MAMLD1: variants seen among roughly 807,000 people sequenced by gnomAD.
MAMLD1 encodes mastermind-like domain-containing protein 1.
In MAMLD1, 14 loss-of-function variants were observed where a neutral mutation model predicts 45.0. The ratio of observed to expected loss-of-function variants is 0.31; its 90% CI spans 0.21 to 0.49. MAMLD1 has a LOEUF of 0.49. MAMLD1 is among the 20% of genes least tolerant of loss of function. The pLI is 0.99. For synonymous variants in MAMLD1, 254 were observed against 247.8 expected, an observed-to-expected ratio of 1.02 and a Z score of -0.24; for missense variants, 543 against 603.6, an observed-to-expected ratio of 0.90 and a Z score of 1.05.
chrX:150,430,165 A>G (rs782024575), intron 1 of MAMLD1, among the ~76,000 whole-genome samples: 3 of 105,067 alleles, frequency 2.9e-5, no homozygotes, highest in African/African-American at 1.0e-4. Flanking sequence ...ACAGGTGCAC[A>G]CCACCACACC....
At chrX:150,375,249 T>G (rs781878055) in intron 1 of MAMLD1, among the ~76,000 whole-genome samples, 10 of 111,925 alleles carry the variant, frequency 8.9e-5, no homozygotes, top group Non-Finnish European at 1.9e-5. Context: ...TTGGCCCTTG[T>G]TGATCCTGTG....
At chrX:150,431,549 T>G (rs1237222440) in intron 1 of MAMLD1, among the ~76,000 whole-genome samples, 3 of 110,868 alleles carry the variant, frequency 2.7e-5, no homozygotes, top group African/African-American at 9.9e-5. Flanking sequence ...GGTAGTTTTT[T>G]GATTCTCACC....
intron 1 of MAMLD1, among the ~76,000 whole-genome samples, chrX:150,388,612 T>A (rs1557402102): frequency 2.7e-5 from 3 of 112,024 alleles, no homozygotes; most frequent in African/African-American, 9.7e-5. Context: ...GTTGTCAAAT[T>A]TCTGTGTAGA....
chrX:150,413,916 T>C (rs1445914052), intron 1 of MAMLD1, among the ~76,000 whole-genome samples: 1 of 105,118 alleles, frequency 9.5e-6, no homozygotes, highest in Non-Finnish European at 1.9e-5. Flanking sequence ...TGCCTGGTCA[T>C]CGATGGCCAG....
At chrX:150,455,100 A>G (rs1460740273) in intron 2 of MAMLD1, among the ~76,000 whole-genome samples, 4 of 112,180 alleles carry the variant, frequency 3.6e-5, no homozygotes, top group African/African-American at 1.3e-4. Flanking sequence ...ACATGTTTTT[A>G]AATTGTCATT....
intron 5 of MAMLD1, among the ~76,000 whole-genome samples, chrX:150,486,674 C>A (rs1362449442): frequency 1.8e-5 from 2 of 112,061 alleles, no homozygotes; most frequent in Non-Finnish European, 3.8e-5. Context: ...GGATCCAACT[C>A]CAATCCGGAA....
rs1245931280 is a variant in MAMLD1 at position 150,426,946 on chromosome X, A to T, written c.-63-18508A>T. Among the ~76,000 whole-genome samples the T allele has an allele frequency of 3.1e-4, 35 of 112,195 alleles. 1 individual carries two copies. The highest frequency in any genetic ancestry group is 1.9e-5 in the Non-Finnish European group (1 of 53,270). On this transcript the variant is annotated intron_variant, in intron 1 of 7. Transcript: ENST00000370401. ...CTTAAGCATCAGAATTGATTGTCTC[A>T]CAGTTCTGGAGGCAGAAGTCCAAGA...
intron 5 of MAMLD1, among the ~76,000 whole-genome samples, chrX:150,492,583 A>G (rs1557407991): frequency 2.7e-5 from 3 of 111,606 alleles, no homozygotes; most frequent in Non-Finnish European, 5.7e-5. Flanking sequence ...GAAAATTGAG[A>G]GTGATGAGTT....
intron 5 of MAMLD1, among the ~76,000 whole-genome samples, chrX:150,485,811 C>T (rs190095480): frequency 1.6e-4 from 18 of 111,936 alleles, no homozygotes; most frequent in African/African-American, 5.8e-4. Context: ...ACAGATGGTT[C>T]AGGTGTGTTA....
At chrX:150,505,905 A>G (rs946542710) in intron 6 of MAMLD1, among the ~76,000 whole-genome samples, 11 of 112,565 alleles carry the variant, frequency 9.8e-5, no homozygotes, top group African/African-American at 3.5e-4. Context: ...TGTTGTCACT[A>G]TCTATGGGCC....
intron 1 of MAMLD1, among the ~76,000 whole-genome samples, chrX:150,416,709 T>A (rs1257510260): frequency 1.8e-5 from 2 of 112,472 alleles, no homozygotes; most frequent in Non-Finnish European, 3.8e-5. Flanking sequence ...ATTAAATTGT[T>A]CCCTCCAAAG....
rs1557409371 is a variant in MAMLD1 at position 150,513,814 on chromosome X, GAGAAAAAGCCCAGCTTGTGTGC to G, written c.*1857_*1878del. 3.4e-6 allele frequency: 1 copy of G among 295,908 alleles called. No individual in the cohort carries two copies. The highest frequency in any genetic ancestry group is 5.9e-6 in the Non-Finnish European group (1 of 170,099). The allele number at this position is 295,908 out of a possible 1,213,427, so 24.4% of individuals were successfully genotyped here. A position where few individuals can be genotyped will look rare whatever the true frequency, so the allele number is the denominator to read the frequency against. On this transcript the variant is annotated 3_prime_UTR_variant, in exon 8 of 8. Coordinates refer to ENST00000370401, the MANE Select transcript of MAMLD1 (RefSeq NM_005491.5). Reference sequence around the variant, plus strand: ...CTCCTCCCTTTACCATTCAGACCGAGAGAAAAAGCCCAGCTTGTGTGCACCCTCGTGGGGTTAAGGCGAGCTG... The same window carrying G: ...CTCCTCCCTTTACCATTCAGACCGAGACCCTCGTGGGGTTAAGGCGAGCTG...
At chrX:150,406,952 T>C (rs1290920324) in intron 1 of MAMLD1, among the ~76,000 whole-genome samples, 1 of 110,971 alleles carries the variant, frequency 9.0e-6, no homozygotes, top group Non-Finnish European at 1.9e-5. Flanking sequence ...GACGGCTGTG[T>C]CCTCTGTCCA....
chrX:150,416,537 T>C (rs953213571), intron 1 of MAMLD1, among the ~76,000 whole-genome samples: 1 of 112,043 alleles, frequency 8.9e-6, no homozygotes, highest in South Asian at 3.7e-4. Context: ...TGGCTGCCTA[T>C]AAAATTGCAT....
At chrX:150,493,365 G>A (rs1557408050) in intron 5 of MAMLD1, among the ~76,000 whole-genome samples, 1 of 112,062 alleles carries the variant, frequency 8.9e-6, no homozygotes, top group African/African-American at 3.2e-5. Flanking sequence ...GCCTATAAAT[G>A]ATGATGATTT....
At chrX:150,482,714 G>C (rs1557407398) in intron 5 of MAMLD1, among the ~76,000 whole-genome samples, 1 of 112,165 alleles carries the variant, frequency 8.9e-6, no homozygotes, top group Non-Finnish European at 1.9e-5. Flanking sequence ...ATGTTGTATG[G>C]GCCATCTGGG....
chrX:150,398,194 A>G (rs2033505488), intron 1 of MAMLD1, among the ~76,000 whole-genome samples: 1 of 104,108 alleles, frequency 9.6e-6, no homozygotes, highest in East Asian at 3.0e-4. Flanking sequence ...GCCCCAGCCT[A>G]CATCTACCAC....
chrX:150,474,330 A>C (rs1557406745), intron 5 of MAMLD1, among the ~76,000 whole-genome samples: 1 of 112,758 alleles, frequency 8.9e-6, no homozygotes, highest in African/African-American at 3.2e-5. Context: ...CTGCCTCTGT[A>C]GCCTTCTGTT....
chrX:150,444,645 G>A (rs180703881), intron 1 of MAMLD1, among the ~76,000 whole-genome samples: 1 of 112,192 alleles, frequency 8.9e-6, no homozygotes, highest in Non-Finnish European at 1.9e-5. Flanking sequence ...TTAGACTTGA[G>A]ATTTTAGAGG....
Sources: gnomAD v4.1 joint callset for allele counts (sites outside exome capture counted in the v4.1 genomes callset) on GRCh38, gnomAD v4.1.1 for gene constraint, MANE v1.5 for transcripts, NCBI Gene and HGNC (gene_info 2026-07-23, HGNC 2026-07-21) for gene names.